NUP210: variants seen among roughly 807,000 people sequenced by gnomAD.
NUP210 encodes nuclear pore membrane glycoprotein 210.
In NUP210, 151 loss-of-function variants were observed where a neutral mutation model predicts 196.0. The ratio of observed to expected loss-of-function variants is 0.77; its 90% CI spans 0.67 to 0.88. The LOEUF is 0.88. NUP210 is among the 40% of genes least tolerant of loss of function. The pLI, the probability that NUP210 is intolerant of heterozygous loss-of-function variation, is 0.00. For missense variants in NUP210, 2,314 were observed against 2,493.7 expected (o/e 0.93, Z 1.53); for synonymous variants, 1,070 against 1,052.7 (o/e 1.02, Z -0.32).
intron 25 of NUP210, among the ~76,000 whole-genome samples, 170 bp from the exon 26 acceptor site, chr3:13,338,087 G>A (rs1697301226): frequency 6.6e-6 from 1 of 152,228 alleles, no homozygotes; most frequent in African/African-American, 2.4e-5. Context: ...CTTTGTGAGT[G>A]GCTCTCCCCT....
chr3:13,415,193 A>G (rs1043049491), intron 1 of NUP210, among the ~76,000 whole-genome samples: 2 of 152,160 alleles, frequency 1.3e-5, no homozygotes, highest in Non-Finnish European at 2.9e-5. Context: ...GTGCCACTGC[A>G]CTCCAGCCTG....
intron 25 of NUP210, among the ~76,000 whole-genome samples, chr3:13,338,912 G>A (rs1315264847): frequency 6.6e-6 from 1 of 152,136 alleles, no homozygotes; most frequent in Non-Finnish European, 1.5e-5. Flanking sequence ...TGCCCCTCTT[G>A]CTGAATTTCT....
intron 11 of NUP210, among the ~76,000 whole-genome samples, chr3:13,375,142 C>CTTTTTTTTTTTTTTTTTCT (rs76945178): frequency 7.2e-6 from 1 of 138,436 alleles, no homozygotes; most frequent in African/African-American, 2.7e-5. Flanking sequence ...TATTTTTTCT[C>CTTTTTTTTTTTTTTTTTCT]TTTTTTTTTT....
chr3:13,385,589 C>T (rs922146036), intron 6 of NUP210, among the ~76,000 whole-genome samples: 16 of 152,228 alleles, frequency 1.1e-4, no homozygotes, highest in Non-Finnish European at 1.2e-4. Flanking sequence ...AGTGGCTTGT[C>T]CAAGTTTGTT....
In NUP210 at chr3:13,353,537, T is replaced by A; in HGVS notation, c.2628+17A>T. 2 of 1,605,928 alleles carry A rather than the reference T, an allele frequency of 1.2e-6. No homozygotes were observed. The highest frequency in any genetic ancestry group is 1.7e-6 in the Non-Finnish European group (2 of 1,172,744). On this transcript the variant is annotated intron_variant, in intron 18 of 39. Transcript: ENST00000254508. ...CCGCTACCCATAGCCCACCCACCAC[T>A]GGGCCCTGGGAGATACCGGCTGCTT...
intron 3 of NUP210, among the ~76,000 whole-genome samples, chr3:13,391,922 C>G (rs2124937014): frequency 6.6e-6 from 1 of 152,118 alleles, no homozygotes; most frequent in African/African-American, 2.4e-5. Flanking sequence ...CCTTTCCAAT[C>G]AAGAAACAGA....
chr3:13,370,150 A>T (rs1391115640), intron 13 of NUP210, among the ~76,000 whole-genome samples: 1 of 152,086 alleles, frequency 6.6e-6, no homozygotes, highest in South Asian at 2.1e-4. Context: ...GACAGAGCCC[A>T]GGTTTCTAAG....
chr3:13,371,928 G>C lies in NUP210; in HGVS notation c.1692C>G (p.Pro564=). 6.2e-7 allele frequency: 1 copy of C among 1,607,936 alleles called. No homozygotes were observed. The highest frequency in any genetic ancestry group is 1.1e-5 in the South Asian group (1 of 89,768). Residue 564 remains proline (P), a synonymous_variant, in exon 13 of 40, where the codon CCC becomes CCG. Coordinates refer to ENST00000254508, the MANE Select transcript of NUP210 (RefSeq NM_024923.4). ...ELPLRISGLM[P]GGASEVVTLS... ...AGGTGACCACCTCACTGGCCCCGCC[G>C]GGCATGAGGCCACTGATCCTCAGGG...
chr3:13,420,163 A>G lies in NUP210; in HGVS notation c.64T>C (p.Ser22Pro). ...ATGTTGAGCTTGGCCGCAGCGGCGG[A>G]GGGGCCCGCCGCCAACAGCACCGAC... Reference protein sequence around the residue: ...TLSVLLAAGPSAAAAKLNIPK... With the variant: ...TLSVLLAAGPPAAAAKLNIPK... Residue 22 changes from serine (S) to proline (P), a missense_variant, in exon 1 of 40, where the codon TCC (serine) becomes CCC (proline). Ser to Pro is a moderately conservative substitution (Grantham distance 74). Transcript: ENST00000254508. This position sits in a 1 kb window ranked among gnomAD's most constrained non-coding sequence, Gnocchi z 4.8. 7.8e-7 allele frequency: 1 copy of G among 1,285,366 alleles called. No homozygotes were observed. Among genetic ancestry groups the G allele is most frequent in the Non-Finnish European group, 1.0e-6 (1 of 998,984 alleles). 79.6% of individuals were successfully genotyped at this position (1,285,366 alleles called of 1,614,324 possible).
intron 28 of NUP210, among the ~76,000 whole-genome samples, chr3:13,333,700 T>A (rs1697093025): frequency 6.6e-6 from 1 of 152,202 alleles, no homozygotes; most frequent in African/African-American, 2.4e-5. Context: ...CTGACTCGGA[T>A]GCCCCCTTCC....
At chr3:13,364,151 A>G (rs1698455963) in intron 14 of NUP210, among the ~76,000 whole-genome samples, 1 of 152,144 alleles carries the variant, frequency 6.6e-6, no homozygotes, top group African/African-American at 2.4e-5. Context: ...AGCAGAGGTA[A>G]AATACATTCT....
At chr3:13,342,867 C>T (rs911971741) in intron 21 of NUP210, among the ~76,000 whole-genome samples, 2 of 152,226 alleles carry the variant, frequency 1.3e-5, no homozygotes, top group Non-Finnish European at 2.9e-5. Flanking sequence ...GCATGTGCCT[C>T]GTTGGTTAAT....
chr3:13,359,870 TCCAG>T (rs1425199557), intron 15 of NUP210, among the ~76,000 whole-genome samples: 2 of 152,228 alleles, frequency 1.3e-5, no homozygotes, highest in Non-Finnish European at 2.9e-5. Flanking sequence ...TATTGTGATT[TCCAG>T]GTTATCCTCA....
chr3:13,335,136 CA>C (rs1353102524), intron 28 of NUP210, among the ~76,000 whole-genome samples: 1 of 152,248 alleles, frequency 6.6e-6, no homozygotes, highest in Non-Finnish European at 1.5e-5. Context: ...CACTCAGACA[CA>C]GTGAGCCCCA....
At chr3:13,358,698 C>T (rs769120787) in intron 15 of NUP210, among the ~76,000 whole-genome samples, 81 of 152,120 alleles carry the variant, frequency 5.3e-4, no homozygotes, top group Non-Finnish European at 1.0e-3. Context: ...GAAAACCCCA[C>T]GGTTGCATTA....
At chr3:13,319,413 G>A in intron 37 of NUP210, 88 bp from the exon 38 acceptor site, 1 of 1,095,598 alleles carries the variant, frequency 9.1e-7, no homozygotes, top group Non-Finnish European at 1.4e-6. Flanking sequence ...CGTCTACAGG[G>A]CAGTCCACAG....
chr3:13,365,999 C>G lies in NUP210; in HGVS notation c.1879G>C (p.Gly627Arg). The G allele has an allele frequency of 6.2e-7, 1 of 1,614,180 alleles. No individual in the cohort carries two copies. Among genetic ancestry groups the G allele is most frequent in the Admixed American group, 1.7e-5 (1 of 60,016 alleles). The change falls in exon 14 of 40, where the codon GGC (glycine) becomes CGC (arginine). Residue 627 changes from glycine to arginine, a missense_variant. Transcript: ENST00000254508. ...ATCTTGGCACTCAGGTGGACGTGGCCGTGTCTGTAGCTCACAAGAAGCGTG... is the reference window on the plus strand; with the variant it reads ...ATCTTGGCACTCAGGTGGACGTGGCGGTGTCTGTAGCTCACAAGAAGCGTG... The part of the protein sequence containing the change: ...STTLLVSYRH[G>R]HVHLSAKITI...
rs953464682 is a variant in NUP210, at chr3:13,410,759, A to C, written c.167+9301T>G. 2.1e-4 allele frequency among the ~76,000 whole-genome samples: 29 copies of C among 136,906 alleles called. 1 individual carries two copies. The South Asian group carries it at 5.4e-3, about 26-fold the overall frequency. 89.8% of individuals were successfully genotyped at this position (136,906 alleles called of 152,430 possible). ...GGTGAAACCCCGTCTCCATTAAAAA[A>C]TACAAAAAATTAGCCGGGCGTGGTG... On this transcript the variant is annotated intron_variant, in intron 1 of 39. Coordinates refer to ENST00000254508, the MANE Select transcript of NUP210 (RefSeq NM_024923.4).
chr3:13,343,027 TG>T, intron 21 of NUP210, 147 bp downstream of exon 21: 1 of 909,800 alleles, frequency 1.1e-6, no homozygotes, highest in Non-Finnish European at 1.7e-6. Context: ...GCGAAGGAGA[TG>T]GGAGACAGCT....
Sources: allele counts gnomAD v4.1 joint callset (sites outside exome capture counted in the v4.1 genomes callset), GRCh38; gene constraint gnomAD v4.1.1; non-coding constraint Gnocchi (gnomAD v3.1); transcripts MANE v1.5; gene names NCBI Gene and HGNC (gene_info 2026-07-23, HGNC 2026-07-21).